The following STAG1 variants were observed in gnomAD, a reference collection of about 807,000 sequenced individuals.
The protein encoded by STAG1 is STAG1 cohesin complex component.
STAG1 carries 26 observed loss-of-function variants against 170.9 expected under a neutral mutation model. That is an observed-to-expected ratio of 0.15 (90% CI 0.11 to 0.21). The LOEUF is 0.21. Ranked by LOEUF, STAG1 falls within the 10% of genes least tolerant of loss-of-function variation. STAG1 has a pLI of 1.00. For synonymous variants in STAG1, 514 were observed against 497.7 expected (o/e 1.03, Z -0.44); for missense variants, 964 against 1,509.5 (o/e 0.64, Z 5.99).
At chr3:136,606,858 C>T (rs993914059) in intron 3 of STAG1, among the ~76,000 whole-genome samples, 1 of 151,060 alleles carries the variant, frequency 6.6e-6, no homozygotes, top group African/African-American at 2.4e-5. Flanking sequence ...GAGCAATTCT[C>T]CTGCCTCAGC....
chr3:136,523,138 C>A (rs181805136), intron 6 of STAG1, among the ~76,000 whole-genome samples: 1 of 152,102 alleles, frequency 6.6e-6, no homozygotes, highest in Non-Finnish European at 1.5e-5. Flanking sequence ...CTTGAGGAAT[C>A]GCCACACTGT....
chr3:136,745,618 AC>A (rs756017548), intron 1 of STAG1, among the ~76,000 whole-genome samples: 60 of 152,316 alleles, frequency 3.9e-4, no homozygotes, highest in Non-Finnish European at 7.4e-4. Flanking sequence ...TGGATGGAGC[AC>A]AGGTGATAAA....
At chr3:136,477,257 C>T (rs1264007495) in intron 10 of STAG1, 32 bp downstream of exon 10, 2 of 1,566,654 alleles carry the variant, frequency 1.3e-6, no homozygotes, top group Non-Finnish European at 1.7e-6. Flanking sequence ...ACAAACATAA[C>T]TTCCATCAAA....
At chr3:136,340,649 C>T (rs988646444) in intron 31 of STAG1, 44 bp from the exon 32 acceptor site, 3 of 1,229,536 alleles carry the variant, frequency 2.4e-6, no homozygotes, top group Non-Finnish European at 3.6e-6. Context: ...CAGACTCCAC[C>T]ATTTGGAGTC....
At chr3:136,361,618 T>A (rs1037922711) in intron 26 of STAG1, among the ~76,000 whole-genome samples, 13 of 152,196 alleles carry the variant, frequency 8.5e-5, no homozygotes, top group African/African-American at 1.4e-4. Context: ...TAATAATAAT[T>A]ATTATTATTA....
intron 13 of STAG1, among the ~76,000 whole-genome samples, chr3:136,461,813 T>A (rs1379059522): frequency 2.0e-5 from 3 of 152,136 alleles, no homozygotes; most frequent in Non-Finnish European, 4.4e-5. Context: ...AAGGGATTAG[T>A]AACCAGAATA....
intron 1 of STAG1, chr3:136,736,811 G>A: frequency 1.3e-6 from 2 of 1,585,108 alleles, no homozygotes; most frequent in Non-Finnish European, 8.6e-7. Flanking sequence ...CTCTACAATT[G>A]TAGGTTTTCC....
At chr3:136,431,529 C>CA (rs1417930801) in intron 16 of STAG1, among the ~76,000 whole-genome samples, 1 of 152,316 alleles carries the variant, frequency 6.6e-6, no homozygotes, top group African/African-American at 2.4e-5. Context: ...CTCAGCCTCC[C>CA]AAAGTGCTGG....
At chr3:136,657,032 C>T (rs531598355) in intron 1 of STAG1, among the ~76,000 whole-genome samples, 1 of 151,526 alleles carries the variant, frequency 6.6e-6, no homozygotes, top group Non-Finnish European at 1.5e-5. Context: ...AAACAATGTC[C>T]TATAAATGGA....
chr3:136,574,707 G>T (rs1000488315), intron 4 of STAG1, among the ~76,000 whole-genome samples: 9 of 152,150 alleles, frequency 5.9e-5, no homozygotes, highest in African/African-American at 1.7e-4. Context: ...AACTAAAAGA[G>T]GCAAATTCAT....
At chr3:136,386,000 C>T (rs536151749) in intron 22 of STAG1, among the ~76,000 whole-genome samples, 4 of 152,142 alleles carry the variant, frequency 2.6e-5, no homozygotes, top group Non-Finnish European at 5.9e-5. Context: ...CCATGCTTAG[C>T]CAAGAAGAGA....
At chr3:136,450,873 T>A (rs1039589927) in intron 14 of STAG1, among the ~76,000 whole-genome samples, 6 of 152,162 alleles carry the variant, frequency 3.9e-5, no homozygotes, top group African/African-American at 1.4e-4. Context: ...CTCAGACTCT[T>A]TATTAGCTGT....
intron 8 of STAG1, 109 bp from the exon 9 acceptor site, chr3:136,500,405 C>A: frequency 1.4e-6 from 1 of 703,654 alleles, no homozygotes. Flanking sequence ...AGTTTTCAAT[C>A]CTTTTCTCAC....
At chr3:136,701,429 A>C (rs902236435) in intron 1 of STAG1, among the ~76,000 whole-genome samples, 2 of 152,098 alleles carry the variant, frequency 1.3e-5, no homozygotes, top group African/African-American at 4.8e-5. Context: ...TAAAATCCTA[A>C]AAGGAAAATA....
intron 4 of STAG1, among the ~76,000 whole-genome samples, chr3:136,583,494 T>C (rs1282722045): frequency 2.0e-5 from 3 of 152,134 alleles, no homozygotes; most frequent in African/African-American, 7.2e-5. Flanking sequence ...GATTCTCACA[T>C]GAAGCCTAAT....
rs577355874 is a variant in STAG1 at position 136,336,376 on chromosome 3, T to C, written c.*1878A>G. Reference sequence around the variant, plus strand: ...AAGGAGACACCGAAAATACAAAAATTTGATTGACTTCAAACTGAACTGGAA... The same window carrying C: ...AAGGAGACACCGAAAATACAAAAATCTGATTGACTTCAAACTGAACTGGAA... On this transcript the variant is annotated 3_prime_UTR_variant, in exon 34 of 34. Coordinates refer to ENST00000383202, the MANE Select transcript of STAG1 (RefSeq NM_005862.3). 1.3e-5 allele frequency: 2 copies of C among 152,322 alleles called. No individual in the cohort carries two copies. Among genetic ancestry groups the C allele is most frequent in the Admixed American group, 6.5e-5 (1 of 15,308 alleles). The allele number at this position is 152,322 out of a possible 1,614,324, so 9.4% of individuals were successfully genotyped here. A position where few individuals can be genotyped will look rare whatever the true frequency, so the allele number is the denominator to read the frequency against.
At chr3:136,541,533 A>C (rs1318398117) in intron 6 of STAG1, among the ~76,000 whole-genome samples, 2 of 86,970 alleles carry the variant, frequency 2.3e-5, no homozygotes, top group Admixed American at 1.1e-4. Context: ...ATAGAAGCTT[A>C]ACATTCACAC....
intron 1 of STAG1, among the ~76,000 whole-genome samples, chr3:136,705,385 A>AT: frequency 5.5e-5 from 1 of 18,190 alleles, no homozygotes; most frequent in Non-Finnish European, 1.4e-4. Flanking sequence ...TCAAACACAC[A>AT]CACACACACA....
At chr3:136,368,652 T>C (rs9289509) in intron 24 of STAG1, among the ~76,000 whole-genome samples, 2,006 of 152,266 alleles carry the variant, frequency 0.013, 28 homozygotes, top group Middle Eastern at 0.031. Flanking sequence ...TATGTCAATC[T>C]GTGTGAGATG....
Sources: allele counts gnomAD v4.1 joint callset (sites outside exome capture counted in the v4.1 genomes callset), GRCh38; gene constraint gnomAD v4.1.1; transcripts MANE v1.5; gene names NCBI Gene and HGNC (gene_info 2026-07-23, HGNC 2026-07-21).